Variants in TIMP2 observed in about 807,000 individuals in gnomAD.
TIMP2 encodes TIMP metallopeptidase inhibitor 2.
Under a neutral mutation model 24.3 loss-of-function variants are expected in TIMP2, and 5 were observed. That is an observed-to-expected ratio of 0.21 (90% CI 0.11 to 0.43). The LOEUF is 0.43. Ranked by LOEUF, TIMP2 falls within the 20% of genes least tolerant of loss-of-function variation. The probability of loss-of-function intolerance (pLI) is 1.00; values close to 1 mark genes in which losing one functional copy is unlikely to be tolerated. For synonymous variants in TIMP2, 130 were observed against 123.2 expected (o/e 1.06, Z -0.37); for missense variants, 221 against 297.5 (o/e 0.74, Z 1.89).
intron 1 of TIMP2, among the ~76,000 whole-genome samples, chr17:78,910,585 C>T (rs773946710): frequency 1.3e-5 from 2 of 152,150 alleles, no homozygotes; most frequent in Non-Finnish European, 2.9e-5. Context: ...AAATCTCTCC[C>T]TCTCTCCTCC....
At chr17:78,871,378 C>T (rs1288534803) in intron 2 of TIMP2, among the ~76,000 whole-genome samples, 2 of 140,576 alleles carry the variant, frequency 1.4e-5, no homozygotes, top group African/African-American at 2.7e-5. Context: ...CTTGAACCTG[C>T]GAGGTGGAGG....
intron 1 of TIMP2, among the ~76,000 whole-genome samples, chr17:78,880,891 A>G (rs1323766977): frequency 6.6e-6 from 1 of 152,186 alleles, no homozygotes; most frequent in Non-Finnish European, 1.5e-5. Flanking sequence ...GGACAGGCAA[A>G]CCGGTGGATA....
At chr17:78,918,435 G>A (rs2070282024) in intron 1 of TIMP2, among the ~76,000 whole-genome samples, 1 of 152,156 alleles carries the variant, frequency 6.6e-6, no homozygotes, top group Non-Finnish European at 1.5e-5. Flanking sequence ...CAGGCTGCAG[G>A]GGTCCAGGCA....
At position 78,924,201 on chromosome 17, in the gene TIMP2, T is replaced by A. The variant is rs1029568898; in HGVS notation, c.130+758A>T. On this transcript the variant is annotated intron_variant, in intron 1 of 4. Transcript: ENST00000262768. This position sits in a 1 kb window ranked among gnomAD's most constrained non-coding sequence, Gnocchi z 5.3. ...CTTTTGGGGGCTAGGAGTCCGGAGG[T>A]CATGGGTATTTGCTGGGGAATCTGA... 2.0e-5 allele frequency among the ~76,000 whole-genome samples: 3 copies of A among 152,058 alleles called. No individual in the cohort carries two copies. Among genetic ancestry groups the A allele is most frequent in the Non-Finnish European group, 4.4e-5 (3 of 67,998 alleles).
intron 1 of TIMP2, among the ~76,000 whole-genome samples, chr17:78,883,945 C>T (rs757705067): frequency 2.0e-5 from 3 of 152,240 alleles, no homozygotes; most frequent in African/African-American, 4.8e-5. Context: ...CGGCCCTTCC[C>T]ATTCACGTGC....
intron 1 of TIMP2, among the ~76,000 whole-genome samples, chr17:78,879,633 T>A (rs2145759403): frequency 6.6e-6 from 1 of 152,238 alleles, no homozygotes; most frequent in South Asian, 2.1e-4. Context: ...TCGTTCTAAC[T>A]GCCCTGAGCC....
chr17:78,888,858 T>C (rs1306553727), intron 1 of TIMP2, among the ~76,000 whole-genome samples: 1 of 152,200 alleles, frequency 6.6e-6, no homozygotes, highest in East Asian at 1.9e-4. Flanking sequence ...TTATATTGTC[T>C]ACAAAATATA....
Position 78,924,284 on chromosome 17 carries a change from C to T in TIMP2, c.130+675G>A, listed in dbSNP as rs760563192. Among the ~76,000 whole-genome samples, 2 of 152,218 alleles carry T rather than the reference C, an allele frequency of 1.3e-5. No homozygotes were observed. Among genetic ancestry groups the T allele is most frequent in the African/African-American group, 4.8e-5 (2 of 41,470 alleles). ...CACCAAAGTCTCCAGCTTTTGTGGACGTCCCGAAAAAGCGGAACATTCGGG... is the reference window on the plus strand; with the variant it reads ...CACCAAAGTCTCCAGCTTTTGTGGATGTCCCGAAAAAGCGGAACATTCGGG... On this transcript the variant is annotated intron_variant, in intron 1 of 4. Coordinates refer to ENST00000262768, the MANE Select transcript of TIMP2 (RefSeq NM_003255.5). The surrounding 1 kb of genome is among the most constrained non-coding windows in gnomAD (Gnocchi z 5.3).
At chr17:78,870,861 G>A in intron 3 of TIMP2, 37 bp downstream of exon 3, 2 of 1,578,894 alleles carry the variant, frequency 1.3e-6, no homozygotes, top group Non-Finnish European at 1.7e-6. Context: ...CCCCACTTCT[G>A]TGCCAGCCTC....
intron 3 of TIMP2, among the ~76,000 whole-genome samples, chr17:78,866,581 T>C (rs75615098): frequency 0.021 from 2,933 of 137,238 alleles, 87 homozygotes; most frequent in African/African-American, 0.073. Flanking sequence ...CCCTGCAAAA[T>C]CTCACACACC....
At chr17:78,868,254 CTCTTT>C (rs942186619) in intron 3 of TIMP2, among the ~76,000 whole-genome samples, 1 of 151,782 alleles carries the variant, frequency 6.6e-6, no homozygotes, top group African/African-American at 2.4e-5. Flanking sequence ...TCTTTCTTTT[CTCTTT>C]TTTTTTTGTG....
chr17:78,855,898 G>C lies in TIMP2; in HGVS notation c.466-34C>G. 1.2e-6 allele frequency: 2 copies of C among 1,611,390 alleles called. No homozygotes were observed. The highest frequency in any genetic ancestry group is 1.7e-6 in the Non-Finnish European group (2 of 1,178,336). On this transcript the variant is annotated intron_variant, in intron 4 of 4. Transcript: ENST00000262768. This position sits in a 1 kb window ranked among gnomAD's most constrained non-coding sequence, Gnocchi z 6.0. ...GGGCACACGGAGGGGGACGGAGTCA[G>C]GGACCCAGGAAGGGGTGGGCAGAGG... is the stretch of plus-strand genomic sequence containing the variant.
chr17:78,878,951 C>T (rs888746043), intron 1 of TIMP2, among the ~76,000 whole-genome samples: 7 of 152,230 alleles, frequency 4.6e-5, no homozygotes, highest in South Asian at 2.1e-4. Flanking sequence ...ACCAGTTCCA[C>T]GGCAACCTTC....
chr17:78,916,028 CA>C (rs930140090), intron 1 of TIMP2, among the ~76,000 whole-genome samples: 2 of 152,200 alleles, frequency 1.3e-5, no homozygotes, highest in Non-Finnish European at 2.9e-5. Context: ...TCATTATCAC[CA>C]TGTCATGATT....
chr17:78,906,185 C>A (rs1266861604), intron 1 of TIMP2, among the ~76,000 whole-genome samples: 2 of 152,116 alleles, frequency 1.3e-5, no homozygotes, highest in Non-Finnish European at 2.9e-5. Context: ...AGCCAGGCAA[C>A]ACAGTGAGAT....
In TIMP2 at chr17:78,891,914, G is replaced by A. The variant is rs758910481; in HGVS notation, c.131-17995C>T. On this transcript the variant is annotated intron_variant, in intron 1 of 4. Coordinates refer to ENST00000262768, the MANE Select transcript of TIMP2 (RefSeq NM_003255.5). This position sits in a 1 kb window ranked among gnomAD's most constrained non-coding sequence, Gnocchi z 4.5. Reference sequence around the variant, plus strand: ...CTGTGGTTTCTCTGGACTCGCTGCTGTCTTCCGGGGCCTGGAGTGCCTGGG... The same window carrying A: ...CTGTGGTTTCTCTGGACTCGCTGCTATCTTCCGGGGCCTGGAGTGCCTGGG... 14 of 1,550,474 alleles carry A rather than the reference G, an allele frequency of 9.0e-6. No homozygotes were observed. The South Asian group carries it at 1.7e-4, about 18-fold the overall frequency.
chr17:78,913,120 TG>T (rs2070223260), intron 1 of TIMP2, among the ~76,000 whole-genome samples: 1 of 152,016 alleles, frequency 6.6e-6, no homozygotes, highest in African/African-American at 2.4e-5. Flanking sequence ...AGCCCAGCAG[TG>T]GGTCTAGTTT....
chr17:78,891,610 T>G lies in TIMP2; in HGVS notation c.131-17691A>C, dbSNP rs60709877. ...CTCTCAGCTTCCCCTCCAGACTCTG[T>G]CCCTGAGAGCGACTGGTCAGGGCTG... On this transcript the variant is annotated intron_variant, in intron 1 of 4. Coordinates refer to ENST00000262768, the MANE Select transcript of TIMP2 (RefSeq NM_003255.5). This position sits in a 1 kb window ranked among gnomAD's most constrained non-coding sequence, Gnocchi z 4.5. The G allele has an allele frequency of 7.0e-4, 1,086 of 1,550,906 alleles. 9 individuals carry two copies. The African/African-American group carries it at 0.013, about 19-fold the overall frequency.
At chr17:78,914,971 A>C (rs544906980) in intron 1 of TIMP2, among the ~76,000 whole-genome samples, 1 of 148,732 alleles carries the variant, frequency 6.7e-6, no homozygotes, top group South Asian at 2.1e-4. Flanking sequence ...ATCTCGGCTC[A>C]CTGCAACCTC....
Sources: gnomAD v4.1 joint callset for allele counts (sites outside exome capture counted in the v4.1 genomes callset) on GRCh38, gnomAD v4.1.1 for gene constraint, Gnocchi (gnomAD v3.1) non-coding constraint, MANE v1.5 for transcripts, NCBI Gene and HGNC (gene_info 2026-07-23, HGNC 2026-07-21) for gene names.